DLC1: variants seen among roughly 807,000 people sequenced by gnomAD.
The protein encoded by DLC1 is rho GTPase-activating protein 7.
Under a neutral mutation model 140.3 loss-of-function variants are expected in DLC1, and 54 were observed. That is an observed-to-expected ratio of 0.38 (90% CI 0.31 to 0.48). The LOEUF (loss-of-function observed/expected upper bound fraction) is 0.48, where lower values mean the gene tolerates loss of function less well. DLC1 is among the 20% of genes least tolerant of loss of function. The pLI is 0.96. For synonymous variants in DLC1, 986 were observed against 728.1 expected (o/e 1.35, Z -5.70); for missense variants, 2,536 against 1,907.0 (o/e 1.33, Z -6.14).
At chr8:13,487,490 T>C (rs529796309) in intron 2 of DLC1, among the ~76,000 whole-genome samples, 1 of 152,162 alleles carries the variant, frequency 6.6e-6, no homozygotes, top group South Asian at 2.1e-4. Context: ...GTTTGTCCCA[T>C]AACAAGAGAA....
chr8:13,582,523 C>G (rs1805142923), intron 1 of DLC1, among the ~76,000 whole-genome samples: 1 of 151,982 alleles, frequency 6.6e-6, no homozygotes, highest in Admixed American at 6.6e-5. Context: ...GGCCTGGGCT[C>G]CCAGCCTATA....
intron 5 of DLC1, among the ~76,000 whole-genome samples, chr8:13,119,714 G>A (rs570674618): frequency 2.6e-5 from 4 of 152,234 alleles, no homozygotes; most frequent in African/African-American, 9.6e-5. Flanking sequence ...CATTCTGGGA[G>A]GCCTAGGTGG....
intron 2 of DLC1, among the ~76,000 whole-genome samples, chr8:13,411,491 A>G (rs1426355079): frequency 1.3e-5 from 2 of 152,196 alleles, no homozygotes; most frequent in African/African-American, 4.8e-5. Flanking sequence ...ACATTTATCC[A>G]AACCCATAGA....
intron 1 of DLC1, among the ~76,000 whole-genome samples, chr8:13,548,975 T>C (rs1222588759): frequency 6.6e-6 from 1 of 152,116 alleles, no homozygotes; most frequent in Non-Finnish European, 1.5e-5. Flanking sequence ...CTTTTGTACT[T>C]TGTCCCCTCA....
At chr8:13,411,678 C>T (rs1837791187) in intron 2 of DLC1, among the ~76,000 whole-genome samples, 1 of 151,964 alleles carries the variant, frequency 6.6e-6, no homozygotes, top group Non-Finnish European at 1.5e-5. Context: ...TTGCTGGAAA[C>T]CTAAAACTGC....
chr8:13,512,735 G>C (rs1802432540), intron 1 of DLC1, among the ~76,000 whole-genome samples: 1 of 151,874 alleles, frequency 6.6e-6, no homozygotes. Context: ...TGAGTACAAG[G>C]ATATAAATTA....
At chr8:13,463,171 C>T (rs1325245468) in intron 2 of DLC1, among the ~76,000 whole-genome samples, 5 of 151,852 alleles carry the variant, frequency 3.3e-5, no homozygotes, top group Non-Finnish European at 5.9e-5. Context: ...TAGGGAACTA[C>T]ACAACAGACT....
chr8:13,124,075 T>C (rs879764039), intron 5 of DLC1, among the ~76,000 whole-genome samples: 1 of 152,252 alleles, frequency 6.6e-6, no homozygotes, highest in African/African-American at 2.4e-5. Context: ...TATTTTTATA[T>C]ATTTTTAAAT....
At chr8:13,412,767 C>G (rs772992691) in intron 2 of DLC1, among the ~76,000 whole-genome samples, 6 of 151,784 alleles carry the variant, frequency 4.0e-5, no homozygotes, top group Non-Finnish European at 2.9e-5. Flanking sequence ...CCCGTCTGTA[C>G]TAAAAATACA....
chr8:13,142,276 A>G (rs1823060877), intron 5 of DLC1, among the ~76,000 whole-genome samples: 2 of 152,216 alleles, frequency 1.3e-5, no homozygotes, highest in Admixed American at 1.3e-4. Flanking sequence ...GACTAATACA[A>G]CTTACTAGTT....
At chr8:13,296,500 C>T (rs1831960623) in intron 5 of DLC1, among the ~76,000 whole-genome samples, 1 of 152,034 alleles carries the variant, frequency 6.6e-6, no homozygotes, top group Admixed American at 6.6e-5. Flanking sequence ...ATGGGAGGAG[C>T]AAAATGTGCA....
At chr8:13,276,611 C>T (rs902147302) in intron 5 of DLC1, 22 of 1,234,876 alleles carry the variant, frequency 1.8e-5, no homozygotes, top group South Asian at 6.7e-5. Context: ...ACTTACCCTG[C>T]GCCGGCGACA....
chr8:13,587,544 TACACACAC>T (rs377724474), intron 1 of DLC1, among the ~76,000 whole-genome samples: 1 of 142,168 alleles, frequency 7.0e-6, no homozygotes, highest in Non-Finnish European at 1.5e-5. Context: ...AATGTGACTA[TACACACAC>T]ACACACACAC....
chr8:13,115,346 C>G (rs1043402470), intron 6 of DLC1, among the ~76,000 whole-genome samples: 11 of 152,156 alleles, frequency 7.2e-5, no homozygotes, highest in African/African-American at 2.7e-4. Flanking sequence ...TGATAGTCTT[C>G]AGCATGCTGA....
chr8:13,088,709 A>C lies in DLC1; in HGVS notation c.4075-5T>G. 6.2e-7 allele frequency: 1 copy of C among 1,613,772 alleles called. No homozygotes were observed. The highest frequency in any genetic ancestry group is 8.5e-7 in the Non-Finnish European group (1 of 1,179,868). ...CAGAGGGGGTCCTTCGCTCACCTGG[A>C]AAGAGGATGTATTTTTCAGTGCCAA... On this transcript the variant is annotated splice_polypyrimidine_tract_variant and splice_region_variant and intron_variant, in intron 15 of 17. Coordinates refer to ENST00000276297, the MANE Select transcript of DLC1 (RefSeq NM_182643.3).
intron 6 of DLC1, among the ~76,000 whole-genome samples, chr8:13,111,789 T>G (rs573565890): frequency 1.3e-5 from 2 of 151,928 alleles, no homozygotes; most frequent in South Asian, 2.1e-4. Context: ...GGGTAACCCT[T>G]TGGACCAGAC....
chr8:13,276,238 C>A (rs1449218212), intron 5 of DLC1: 8 of 1,534,930 alleles, frequency 5.2e-6, no homozygotes, highest in South Asian at 2.4e-5. Flanking sequence ...CACCCCCGGT[C>A]TCCAATCCCC....
intron 2 of DLC1, among the ~76,000 whole-genome samples, chr8:13,409,213 A>G (rs1168424248): frequency 6.6e-6 from 1 of 152,180 alleles, no homozygotes; most frequent in East Asian, 1.9e-4. Flanking sequence ...TAAATATTGT[A>G]TATACATGGT....
chr8:13,245,468 G>A (rs1490179328), intron 5 of DLC1, among the ~76,000 whole-genome samples: 2 of 152,112 alleles, frequency 1.3e-5, no homozygotes, highest in Non-Finnish European at 2.9e-5. Flanking sequence ...GTAAAACAAT[G>A]CACAGCCGCA....
Sources: allele counts gnomAD v4.1 joint callset (sites outside exome capture counted in the v4.1 genomes callset), GRCh38; gene constraint gnomAD v4.1.1; transcripts MANE v1.5; gene names NCBI Gene and HGNC (gene_info 2026-07-23, HGNC 2026-07-21).